The following AGPAT4 variants were observed in gnomAD, a reference collection of about 807,000 sequenced individuals.
The protein encoded by AGPAT4 is 1-acylglycerol-3-phosphate O-acyltransferase 4.
Under a neutral mutation model 48.0 loss-of-function variants are expected in AGPAT4, and 15 were observed. The ratio of observed to expected loss-of-function variants is 0.31; its 90% CI spans 0.21 to 0.48. AGPAT4 has a LOEUF of 0.48. AGPAT4 is among the 20% of genes least tolerant of loss of function. AGPAT4 has a pLI of 0.99. For missense variants in AGPAT4, 314 were observed against 482.5 expected, an observed-to-expected ratio of 0.65 and a Z score of 3.27; for synonymous variants, 178 against 198.7, an observed-to-expected ratio of 0.90 and a Z score of 0.88.
Position 161,165,732 on chromosome 6 carries a change from A to C in AGPAT4, c.348+516T>G, listed in dbSNP as rs1306157791. On this transcript the variant is annotated intron_variant, in intron 3 of 8. Transcript: ENST00000320285. The surrounding 1 kb of genome is among the most constrained non-coding windows in gnomAD (Gnocchi z 5.5). ...GGTCAAACTAGTTGGGAAAAAAAAA[A>C]AACAGAATTTCAGAATAATTCTGAA... 1.2e-6 allele frequency: 1 copy of C among 843,114 alleles called. No individual in the cohort carries two copies. The highest frequency in any genetic ancestry group is 6.0e-5 in the East Asian group (1 of 16,670). The allele number at this position is 843,114 out of a possible 1,614,324, so 52.2% of individuals were successfully genotyped here. A position where few individuals can be genotyped will look rare whatever the true frequency, so the allele number is the denominator to read the frequency against.
intron 1 of AGPAT4, among the ~76,000 whole-genome samples, chr6:161,237,823 C>T (rs949191869): frequency 8.6e-5 from 13 of 151,988 alleles, no homozygotes; most frequent in Non-Finnish European, 1.8e-4. Flanking sequence ...TTTCCCAGCC[C>T]CCGTGAAGGT....
chr6:161,241,818 C>T (rs1328890744), intron 1 of AGPAT4, among the ~76,000 whole-genome samples: 18 of 152,176 alleles, frequency 1.2e-4, no homozygotes, highest in Admixed American at 1.1e-3. Context: ...CTGCAACCTC[C>T]GCCTCCTGGG....
At chr6:161,209,958 T>A (rs767297712) in intron 2 of AGPAT4, among the ~76,000 whole-genome samples, 1 of 152,100 alleles carries the variant, frequency 6.6e-6, no homozygotes, top group Non-Finnish European at 1.5e-5. Context: ...ACTAAAATAG[T>A]TGCAACAGAG....
chr6:161,163,593 C>T (rs1780001180), intron 3 of AGPAT4, among the ~76,000 whole-genome samples: 1 of 152,158 alleles, frequency 6.6e-6, no homozygotes, highest in African/African-American at 2.4e-5. Context: ...TGGGAGGGTA[C>T]AGGCTGGCAG....
rs1357850907 is a variant in AGPAT4 at position 161,231,562 on chromosome 6, T to C, written c.178+474A>G. On this transcript the variant is annotated intron_variant, in intron 2 of 8. Transcript: ENST00000320285. The surrounding 1 kb of genome is among the most constrained non-coding windows in gnomAD (Gnocchi z 5.3). ...GTTACAGCTTCATGTGAATCTATTA[T>C]CTCAAAATAAAAAGCTGAAGAAAAA... Among the ~76,000 whole-genome samples the C allele has an allele frequency of 5.3e-5, 8 of 151,898 alleles. No homozygotes were observed. The highest frequency in any genetic ancestry group is 1.9e-4 in the African/African-American group (8 of 41,300).
Position 161,183,633 on chromosome 6 carries a change from GGAGGTGAGGGGAGGA to G in AGPAT4, c.179-17231_179-17217del, listed in dbSNP as rs1452541103. 1.5e-3 allele frequency among the ~76,000 whole-genome samples: 177 copies of G among 117,298 alleles called. 1 individual carries two copies. Among genetic ancestry groups the G allele is most frequent in the East Asian group, 6.2e-3 (23 of 3,728 alleles). 77.0% of individuals were successfully genotyped at this position (117,298 alleles called of 152,430 possible). On this transcript the variant is annotated intron_variant, in intron 2 of 8. Transcript: ENST00000320285. ...AAGCTCTAAGGGAAGGGAAGGGAGG[GGAGGTGAGGGGAGGA>G]GAGGGGAGGGGAGGAGAGGGGAGGG...
chr6:161,241,287 T>A (rs1340481809), intron 1 of AGPAT4, among the ~76,000 whole-genome samples: 8 of 142,276 alleles, frequency 5.6e-5, no homozygotes, highest in South Asian at 2.2e-4. Flanking sequence ...AAAAAAAAAA[T>A]TATCATCATC....
rs1049212956 is a variant in AGPAT4 at position 161,138,520 on chromosome 6, A to T, written c.1042+902T>A. On this transcript the variant is annotated intron_variant, in intron 8 of 8. Coordinates refer to ENST00000320285, the MANE Select transcript of AGPAT4 (RefSeq NM_020133.3). The surrounding 1 kb of genome is among the most constrained non-coding windows in gnomAD (Gnocchi z 4.8). ...CACCACGTGCATCAAATTGTCATTA[A>T]CGATTATCTGGGAAGTGGGCTCAAT... Among the ~76,000 whole-genome samples, 1 of 152,152 alleles carries T rather than the reference A, an allele frequency of 6.6e-6. No individual in the cohort carries two copies. The highest frequency in any genetic ancestry group is 2.4e-5 in the African/African-American group (1 of 41,436).
At chr6:161,181,426 C>T (rs1474556922) in intron 2 of AGPAT4, among the ~76,000 whole-genome samples, 2 of 151,746 alleles carry the variant, frequency 1.3e-5, no homozygotes, top group African/African-American at 4.8e-5. Context: ...CTTCCCCATC[C>T]CTCCAGGCTC....
In AGPAT4 at chr6:161,164,313, G is replaced by T. The variant is rs1196860045; in HGVS notation, c.348+1935C>A. ...CCTGTCCCCGTGCCTGCTAGTGCTGGGCATCTGGGTGCTTCTCCAGCATCT... is the reference window on the plus strand; with the variant it reads ...CCTGTCCCCGTGCCTGCTAGTGCTGTGCATCTGGGTGCTTCTCCAGCATCT... On this transcript the variant is annotated intron_variant, in intron 3 of 8. Coordinates refer to ENST00000320285, the MANE Select transcript of AGPAT4 (RefSeq NM_020133.3). This position sits in a 1 kb window ranked among gnomAD's most constrained non-coding sequence, Gnocchi z 7.4. Among the ~76,000 whole-genome samples, 3 of 152,164 alleles carry T rather than the reference G, an allele frequency of 2.0e-5. No individual in the cohort carries two copies. The highest frequency in any genetic ancestry group is 6.5e-5 in the Admixed American group (1 of 15,276).
chr6:161,195,671 C>G lies in AGPAT4; in HGVS notation c.179-29254G>C, dbSNP rs1781048658. ...TCAGGCTGTGTCATGCCTCAGTCAC[C>G]TTTGACTACTCCGAAGAGGAAAGAA... On this transcript the variant is annotated intron_variant, in intron 2 of 8. Coordinates refer to ENST00000320285, the MANE Select transcript of AGPAT4 (RefSeq NM_020133.3). The surrounding 1 kb of genome is among the most constrained non-coding windows in gnomAD (Gnocchi z 5.0). Among the ~76,000 whole-genome samples the G allele has an allele frequency of 6.6e-6, 1 of 152,196 alleles. No homozygotes were observed. Among genetic ancestry groups the G allele is most frequent in the African/African-American group, 2.4e-5 (1 of 41,434 alleles).
At chr6:161,260,086 G>C (rs2114748599) in intron 1 of AGPAT4, among the ~76,000 whole-genome samples, 2 of 152,268 alleles carry the variant, frequency 1.3e-5, no homozygotes, top group Admixed American at 1.3e-4. Context: ...AGCACAGTGG[G>C]ATCCAGCAGC....
At chr6:161,185,379 C>T (rs1377110544) in intron 2 of AGPAT4, among the ~76,000 whole-genome samples, 1 of 150,792 alleles carries the variant, frequency 6.6e-6, no homozygotes, top group African/African-American at 2.4e-5. Flanking sequence ...CAGCCTTGAC[C>T]CCCTGCGTTC....
chr6:161,153,711 C>A (rs1309063087), intron 4 of AGPAT4, among the ~76,000 whole-genome samples: 3 of 149,096 alleles, frequency 2.0e-5, no homozygotes, highest in Non-Finnish European at 4.5e-5. Context: ...TCATGCCTGG[C>A]CCTGGGGTCA....
At position 161,185,803 on chromosome 6, in the gene AGPAT4, C is replaced by A. The variant is rs1780752026; in HGVS notation, c.179-19386G>T. Among the ~76,000 whole-genome samples the A allele has an allele frequency of 2.6e-5, 4 of 152,210 alleles. No individual in the cohort carries two copies. The South Asian group carries it at 8.3e-4, about 32-fold the overall frequency. ...TCTCTAGCAGCAGCCGGAAGAGAGA[C>A]AAAGACAAAAATGGCATAAAACTGT... On this transcript the variant is annotated intron_variant, in intron 2 of 8. Coordinates refer to ENST00000320285, the MANE Select transcript of AGPAT4 (RefSeq NM_020133.3).
At position 161,180,956 on chromosome 6, in the gene AGPAT4, T is replaced by C. The variant is rs535550990; in HGVS notation, c.179-14539A>G. The stretch of plus-strand genomic sequence containing the variant: ...AAGAAGTAGATAGACAAAAACAAAG[T>C]GGAGTTAAGGAAGAAAGGCCTCTGC... On this transcript the variant is annotated intron_variant, in intron 2 of 8. Transcript: ENST00000320285. This position sits in a 1 kb window ranked among gnomAD's most constrained non-coding sequence, Gnocchi z 6.4. Among the ~76,000 whole-genome samples the C allele has an allele frequency of 2.0e-5, 3 of 151,990 alleles. No individual in the cohort carries two copies. The highest frequency in any genetic ancestry group is 3.9e-4 in the East Asian group (2 of 5,166).
At chr6:161,191,166 A>G (rs989127694) in intron 2 of AGPAT4, among the ~76,000 whole-genome samples, 1 of 152,236 alleles carries the variant, frequency 6.6e-6, no homozygotes, top group African/African-American at 2.4e-5. Flanking sequence ...TATCTATGTA[A>G]CAACGCAGTT....
At chr6:161,273,761 GC>G (rs1411587609) in intron 1 of AGPAT4, among the ~76,000 whole-genome samples, 176 bp downstream of exon 1, 1 of 148,132 alleles carries the variant, frequency 6.8e-6, no homozygotes, top group African/African-American at 2.5e-5. Context: ...CCCTCCAGGC[GC>G]CCCCTGCACC....
rs914454292 is a variant in AGPAT4 at position 161,214,948 on chromosome 6, C to T, written c.178+17088G>A. ...CCTCCAAACCTGTTCTGCTGGCCTGCCTTAGATAAGACTGAGACAAAGGCA... is the reference window on the plus strand; with the variant it reads ...CCTCCAAACCTGTTCTGCTGGCCTGTCTTAGATAAGACTGAGACAAAGGCA... On this transcript the variant is annotated intron_variant, in intron 2 of 8. Transcript: ENST00000320285. The surrounding 1 kb of genome is among the most constrained non-coding windows in gnomAD (Gnocchi z 5.4). 2.6e-5 allele frequency among the ~76,000 whole-genome samples: 4 copies of T among 152,108 alleles called. No individual in the cohort carries two copies. Among genetic ancestry groups the T allele is most frequent in the African/African-American group, 9.7e-5 (4 of 41,406 alleles).
Sources: gnomAD v4.1 joint callset for allele counts (sites outside exome capture counted in the v4.1 genomes callset) on GRCh38, gnomAD v4.1.1 for gene constraint, Gnocchi (gnomAD v3.1) non-coding constraint, MANE v1.5 for transcripts, NCBI Gene and HGNC (gene_info 2026-07-23, HGNC 2026-07-21) for gene names.